CLN6: variants seen among roughly 807,000 people sequenced by gnomAD.
The protein encoded by CLN6 is CLN6 transmembrane ER protein, also known as ceroid-lipofuscinosis neuronal protein 6.
CLN6 carries 22 observed loss-of-function variants against 33.3 expected under a neutral mutation model. That is an observed-to-expected ratio of 0.66 (90% confidence interval 0.47 to 0.94). The LOEUF (loss-of-function observed/expected upper bound fraction) is 0.94, where lower values mean the gene tolerates loss of function less well. CLN6 is among the 40% of genes least tolerant of loss of function. CLN6 has a pLI of 0.00. For missense variants in CLN6, 387 were observed against 417.1 expected (o/e 0.93, Z 0.63); for synonymous variants, 201 against 174.6 (o/e 1.15, Z -1.19).
rs797013647 is a variant in CLN6, at chr15:68,210,721, G to A, written c.542+542C>T. ...CTGAGGTCTCCCCCGACTGAGGGAC[G>A]GGGTAGGTAGGAAAAGGTGCCCCTC... On this transcript the variant is annotated intron_variant, in intron 5 of 6. Transcript: ENST00000249806. This position sits in a 1 kb window ranked among gnomAD's most constrained non-coding sequence, Gnocchi z 5.6. Among the ~76,000 whole-genome samples, 6 of 152,166 alleles carry A rather than the reference G, an allele frequency of 3.9e-5. No individual in the cohort carries two copies. Among genetic ancestry groups the A allele is most frequent in the Non-Finnish European group, 7.4e-5 (5 of 68,008 alleles).
intron 1 of CLN6, among the ~76,000 whole-genome samples, chr15:68,251,761 C>T (rs1048715657): frequency 6.6e-6 from 1 of 152,040 alleles, no homozygotes; most frequent in Non-Finnish European, 1.5e-5. Context: ...AGACAGAAAA[C>T]AGTACTGTCA....
At position 68,235,590 on chromosome 15, in the gene CLN6, ATATATATATATATATATATATAT is replaced by A. The variant is rs1567103348; in HGVS notation, c.180-16963_180-16941del. ...GTCTAAAAAAAAAATAAAAATAAAT[ATATATATATATATATATATATAT>A]ATATATATATATATATATATCGATT... On this transcript the variant is annotated intron_variant, in intron 1 of 6. Coordinates refer to the CLN6 transcript ENST00000538696. Among the ~76,000 whole-genome samples the A allele has an allele frequency of 2.2e-3, 228 of 102,474 alleles. 3 individuals are homozygous for A. The highest frequency in any genetic ancestry group is 3.1e-3 in the Non-Finnish European group (167 of 53,238). 67.2% of individuals were successfully genotyped at this position (102,474 alleles called of 152,430 possible). A position where few individuals can be genotyped will look rare whatever the true frequency, so the allele number is the denominator to read the frequency against.
chr15:68,242,648 C>A lies in CLN6; in HGVS notation c.179+14042G>T, dbSNP rs1296238568. On this transcript the variant is annotated intron_variant, in intron 1 of 6. Coordinates refer to the CLN6 transcript ENST00000538696. The surrounding 1 kb of genome is among the most constrained non-coding windows in gnomAD (Gnocchi z 5.0). ...TTTTTGTTCACGTGACTTTAGTAAC[C>A]TTTTGGAAATAAAGACAGTTTTAAA... 6.6e-6 allele frequency among the ~76,000 whole-genome samples: 1 copy of A among 151,980 alleles called. No individual in the cohort carries two copies. Among genetic ancestry groups the A allele is most frequent in the Non-Finnish European group, 1.5e-5 (1 of 68,002 alleles).
intron 1 of CLN6, among the ~76,000 whole-genome samples, chr15:68,221,557 A>C (rs1159413513): frequency 6.6e-6 from 1 of 152,102 alleles, no homozygotes; most frequent in Non-Finnish European, 1.5e-5. Flanking sequence ...GCTGGAGTGC[A>C]GTGGCGTGAT....
Position 68,211,934 on chromosome 15 carries a change from C to T in CLN6, c.298-71G>A. 6.6e-7 allele frequency: 1 copy of T among 1,506,956 alleles called. No individual in the cohort carries two copies. Among genetic ancestry groups the T allele is most frequent in the African/African-American group, 1.4e-5 (1 of 73,114 alleles). 93.3% of individuals were successfully genotyped at this position (1,506,956 alleles called of 1,614,324 possible). On this transcript the variant is annotated intron_variant, in intron 3 of 6. Transcript: ENST00000249806. The surrounding 1 kb of genome is among the most constrained non-coding windows in gnomAD (Gnocchi z 5.9). ...AGTATGTGACACCCTCTGCTTCCCC[C>T]CTCACACCTGGGGTGGGATGGACGC... is the stretch of plus-strand genomic sequence containing the variant.
At chr15:68,229,767 A>AGGGAGGCGGG (rs1555440244), upstream of CLN6, 5,120 of 318,642 alleles carry the variant, frequency 0.016, 78 homozygotes, top group Middle Eastern at 0.051. Flanking sequence ...AGCGGAGCGG[A>AGGGAGGCGGG]GCGGAGCGGA....
At chr15:68,238,314 G>A (rs988598472) in intron 1 of CLN6, among the ~76,000 whole-genome samples, 9 of 151,942 alleles carry the variant, frequency 5.9e-5, no homozygotes, top group Non-Finnish European at 1.2e-4. Flanking sequence ...TGAGGCAGGA[G>A]AGTCACTTGA....
rs1892443544 is a variant in CLN6 at position 68,256,891 on chromosome 15, G to A, written c.-23C>T. ...CATTTTCCGCCCAGGCAAGGTCCTG[G>A]GCGCGGCTCTGGGGAGGGTCAGGGT... On this transcript the variant is annotated 5_prime_UTR_variant, in exon 1 of 7. Transcript: ENST00000538696. This position sits in a 1 kb window ranked among gnomAD's most constrained non-coding sequence, Gnocchi z 4.1. The A allele has an allele frequency of 3.0e-6, 2 of 659,484 alleles. No homozygotes were observed. 40.9% of individuals were successfully genotyped at this position (659,484 alleles called of 1,614,324 possible).
chr15:68,218,355 T>C lies in CLN6; in HGVS notation c.198+181A>G, dbSNP rs59385667. On this transcript the variant is annotated intron_variant, in intron 2 of 6. Coordinates refer to ENST00000249806, the MANE Select transcript of CLN6 (RefSeq NM_017882.3). ...AAGTATGACTCTTCAGGCCCCCCAC[T>C]TGCTGGCAGTTGCCTGACGGGCCAA... The C allele has an allele frequency of 0.013, 7,244 of 559,146 alleles. 378 individuals carry two copies. The highest frequency in any genetic ancestry group is 0.12 in the African/African-American group (6,366 of 53,478). The allele number at this position is 559,146 out of a possible 1,614,324, so 34.6% of individuals were successfully genotyped here.
chr15:68,207,903 G>A lies in CLN6; in HGVS notation c.*237C>T, dbSNP rs1460357343. On this transcript the variant is annotated 3_prime_UTR_variant, in exon 7 of 7. Coordinates refer to ENST00000249806, the MANE Select transcript of CLN6 (RefSeq NM_017882.3). ...ACTCTAAAACAGAATCCGATCCTGA[G>A]ATGATCCAAATCAAACAGAAACTTG... 5.1e-6 allele frequency: 3 copies of A among 586,572 alleles called. No homozygotes were observed. Among genetic ancestry groups the A allele is most frequent in the East Asian group, 2.9e-5 (1 of 34,050 alleles). 36.3% of individuals were successfully genotyped at this position (586,572 alleles called of 1,614,324 possible). A position where few individuals can be genotyped will look rare whatever the true frequency, so the allele number is the denominator to read the frequency against.
Position 68,229,614 on chromosome 15 carries a change from T to C in CLN6, c.-30A>G. 1 of 1,443,570 alleles carries C rather than the reference T, an allele frequency of 6.9e-7. No homozygotes were observed. The highest frequency in any genetic ancestry group is 9.1e-7 in the Non-Finnish European group (1 of 1,098,732). The allele number at this position is 1,443,570 out of a possible 1,614,324, so 89.4% of individuals were successfully genotyped here. On this transcript the variant is annotated 5_prime_UTR_variant, in exon 1 of 7. Transcript: ENST00000249806. ...GCCCCGCAGGCCCCTCGGCCCTGCC[T>C]TTCCGAGGAAGAGACCGGTTCAGCT...
intron 1 of CLN6, among the ~76,000 whole-genome samples, chr15:68,229,074 G>A (rs1159890385): frequency 6.6e-6 from 1 of 152,194 alleles, no homozygotes; most frequent in Non-Finnish European, 1.5e-5. Flanking sequence ...CAGGGCTGGA[G>A]GGACCCCGAG....
chr15:68,255,669 A>T (rs1892427203), intron 1 of CLN6, among the ~76,000 whole-genome samples: 1 of 152,200 alleles, frequency 6.6e-6, no homozygotes, highest in Non-Finnish European at 1.5e-5. Flanking sequence ...AAATGCCATG[A>T]TTGTTTATGG....
intron 2 of CLN6, among the ~76,000 whole-genome samples, chr15:68,216,951 G>A (rs916449432): frequency 7.2e-5 from 11 of 152,204 alleles, no homozygotes; most frequent in African/African-American, 2.7e-4. Context: ...CTCTATGCTT[G>A]ACCTCGAGCC....
chr15:68,218,063 T>C (rs114326125), intron 2 of CLN6: 2,324 of 167,818 alleles, frequency 0.014, 55 homozygotes, highest in African/African-American at 0.052. Context: ...CATTAAAAAT[T>C]ACCCATGGCT....
Position 68,208,469 on chromosome 15 carries a change from C to T in CLN6, c.666-59G>A. The T allele has an allele frequency of 5.0e-6, 8 of 1,599,766 alleles. No individual in the cohort carries two copies. The highest frequency in any genetic ancestry group is 6.8e-6 in the Non-Finnish European group (8 of 1,172,590). On this transcript the variant is annotated intron_variant, in intron 6 of 6. Coordinates refer to ENST00000249806, the MANE Select transcript of CLN6 (RefSeq NM_017882.3). This position sits in a 1 kb window ranked among gnomAD's most constrained non-coding sequence, Gnocchi z 5.8. ...GTGGCAACCCCGTCCTGCCTGGCAT[C>T]CCTTCCTGTGTGCGAGAGCCAGGCT... is the stretch of plus-strand genomic sequence containing the variant.
At chr15:68,249,502 A>G (rs962825919) in intron 1 of CLN6, among the ~76,000 whole-genome samples, 4 of 152,270 alleles carry the variant, frequency 2.6e-5, no homozygotes, top group African/African-American at 7.2e-5. Context: ...ATGAAAAAGA[A>G]TGAAACTCTG....
At chr15:68,238,358 C>A (rs542015067) in intron 1 of CLN6, among the ~76,000 whole-genome samples, 244 of 150,840 alleles carry the variant, frequency 1.6e-3, no homozygotes, top group African/African-American at 5.6e-3. Flanking sequence ...GAGTCCAGAT[C>A]GCGCCACTGC....
chr15:68,256,613 G>A lies in CLN6; in HGVS notation c.179+77C>T, dbSNP rs995553924. On this transcript the variant is annotated intron_variant, in intron 1 of 6. Coordinates refer to the CLN6 transcript ENST00000538696. The surrounding 1 kb of genome is among the most constrained non-coding windows in gnomAD (Gnocchi z 4.1). ...GGCTGGCTTCAGGGGTGTGGGCAGT[G>A]CAGTCGCACAGGGCCCCACGTTCAG... 9 of 587,028 alleles carry A rather than the reference G, an allele frequency of 1.5e-5. No individual in the cohort carries two copies. Among genetic ancestry groups the A allele is most frequent in the African/African-American group, 7.5e-5 (4 of 53,668 alleles). 36.4% of individuals were successfully genotyped at this position (587,028 alleles called of 1,614,324 possible).
Sources: gnomAD v4.1 joint callset for allele counts (sites outside exome capture counted in the v4.1 genomes callset) on GRCh38, gnomAD v4.1.1 for gene constraint, Gnocchi (gnomAD v3.1) non-coding constraint, MANE v1.5 for transcripts, NCBI Gene and HGNC (gene_info 2026-07-23, HGNC 2026-07-21) for gene names.